CNNM2: variants seen among roughly 807,000 people sequenced by gnomAD.
CNNM2 encodes metal transporter CNNM2.
Under a neutral mutation model 66.9 loss-of-function variants are expected in CNNM2, and 12 were observed. That is an observed-to-expected ratio of 0.18 (90% CI 0.11 to 0.29). The LOEUF (loss-of-function observed/expected upper bound fraction) is 0.29, where lower values mean the gene tolerates loss of function less well. CNNM2 is among the 10% of genes least tolerant of loss of function. The pLI, the probability that CNNM2 is intolerant of heterozygous loss-of-function variation, is 1.00. For missense variants in CNNM2, 705 were observed against 1,167.7 expected (o/e 0.60, Z 5.77); for synonymous variants, 557 against 501.8 (o/e 1.11, Z -1.47).
At chr10:103,023,336 T>C (rs563257615) in intron 1 of CNNM2, among the ~76,000 whole-genome samples, 4 of 152,260 alleles carry the variant, frequency 2.6e-5, no homozygotes, top group Admixed American at 2.0e-4. Flanking sequence ...GTGGATCACC[T>C]GAGGTCAGGA....
intron 1 of CNNM2, among the ~76,000 whole-genome samples, chr10:102,948,491 A>T (rs1025506516): frequency 6.6e-6 from 1 of 152,084 alleles, no homozygotes; most frequent in African/African-American, 2.4e-5. Flanking sequence ...GAACACAAAT[A>T]ATTTGTGTGT....
rs34161248 is a variant in CNNM2 at position 102,967,434 on chromosome 10, T to C, written c.1621+47333T>C. On this transcript the variant is annotated intron_variant, in intron 1 of 7. Coordinates refer to ENST00000369878, the MANE Select transcript of CNNM2 (RefSeq NM_017649.5). ...GTTTCCTTTCTTCTGGGTCAATCCC[T>C]GCTTTCATCTCCAGCCTCTGGCAAA... 3.3e-3 allele frequency among the ~76,000 whole-genome samples: 506 copies of C among 152,372 alleles called. 4 individuals are homozygous for C. The highest frequency in any genetic ancestry group is 4.9e-3 in the Non-Finnish European group (331 of 68,036).
intron 1 of CNNM2, among the ~76,000 whole-genome samples, chr10:102,944,148 G>A (rs893690787): frequency 4.8e-5 from 7 of 146,178 alleles, no homozygotes; most frequent in Non-Finnish European, 1.0e-4. Context: ...GTGCGATCTC[G>A]GCTCACTGCA....
rs1244535820 is a variant in CNNM2, at chr10:103,081,762, T to C, written c.*4582T>C. 4 of 152,344 alleles carry C rather than the reference T, an allele frequency of 2.6e-5. No homozygotes were observed. The highest frequency in any genetic ancestry group is 2.1e-4 in the South Asian group (1 of 4,822). The allele number at this position is 152,344 out of a possible 1,614,324, so 9.4% of individuals were successfully genotyped here. A position where few individuals can be genotyped will look rare whatever the true frequency, so the allele number is the denominator to read the frequency against. ...TGCCCATTTCCCTTTTGCTACCTTC[T>C]TTCCTATCTGGAGATTCATATTCTA... is the stretch of plus-strand genomic sequence containing the variant. On this transcript the variant is annotated 3_prime_UTR_variant, in exon 8 of 8. Transcript: ENST00000369878.
intron 1 of CNNM2, among the ~76,000 whole-genome samples, chr10:102,984,708 G>A (rs1028372778): frequency 1.3e-5 from 2 of 152,162 alleles, no homozygotes; most frequent in African/African-American, 4.8e-5. Flanking sequence ...CACCCAGGCT[G>A]GAGTGCAGTG....
At chr10:102,965,243 T>A (rs2063444891) in intron 1 of CNNM2, among the ~76,000 whole-genome samples, 1 of 152,230 alleles carries the variant, frequency 6.6e-6, no homozygotes, top group African/African-American at 2.4e-5. Flanking sequence ...CCCTGCTCTG[T>A]CTTGACTTGT....
rs1042928023 is a variant in CNNM2 at position 103,054,227 on chromosome 10, C to G, written c.1766-102C>G. On this transcript the variant is annotated intron_variant, in intron 2 of 7. Transcript: ENST00000369878. The surrounding 1 kb of genome is among the most constrained non-coding windows in gnomAD (Gnocchi z 5.2). ...CATAGAGCGCCTGCATCTGGAAATA[C>G]AGTCCAGCTCTTCCAATATATTTTG... 4.5e-6 allele frequency: 6 copies of G among 1,328,778 alleles called. No homozygotes were observed. Among genetic ancestry groups the G allele is most frequent in the Non-Finnish European group, 6.2e-6 (6 of 967,574 alleles). 82.3% of individuals were successfully genotyped at this position (1,328,778 alleles called of 1,614,324 possible). A position where few individuals can be genotyped will look rare whatever the true frequency, so the allele number is the denominator to read the frequency against.
At chr10:103,036,580 A>G (rs1185698188) in intron 1 of CNNM2, among the ~76,000 whole-genome samples, 2 of 152,162 alleles carry the variant, frequency 1.3e-5, no homozygotes, top group Non-Finnish European at 2.9e-5. Flanking sequence ...ACGTTTATCA[A>G]ATCGAGGTGG....
At chr10:103,041,145 CACA>C (rs1016277967) in intron 1 of CNNM2, among the ~76,000 whole-genome samples, 3 of 152,126 alleles carry the variant, frequency 2.0e-5, no homozygotes, top group African/African-American at 7.2e-5. Context: ...CTCCTCTTAT[CACA>C]ACATTACCTA....
chr10:102,977,753 G>A (rs761212130), intron 1 of CNNM2, among the ~76,000 whole-genome samples: 3 of 152,096 alleles, frequency 2.0e-5, no homozygotes, highest in Non-Finnish European at 2.9e-5. Flanking sequence ...CTCTGGAGGC[G>A]GAGGTTGCAG....
In CNNM2 at chr10:103,085,352, T is replaced by C. The variant is rs934157184; in HGVS notation, c.*8172T>C. The C allele has an allele frequency of 1.2e-4, 18 of 152,338 alleles. No homozygotes were observed. Among genetic ancestry groups the C allele is most frequent in the African/African-American group, 4.1e-4 (17 of 41,582 alleles). The allele number at this position is 152,338 out of a possible 1,614,324, so 9.4% of individuals were successfully genotyped here. A position where few individuals can be genotyped will look rare whatever the true frequency, so the allele number is the denominator to read the frequency against. On this transcript the variant is annotated 3_prime_UTR_variant, in exon 8 of 8. Transcript: ENST00000369878. Reference sequence around the variant, plus strand: ...AAAGATAACTCTGGTGAGAACACTCTCTCAAAGACTGGACACTGAGTAAAC... The same window carrying C: ...AAAGATAACTCTGGTGAGAACACTCCCTCAAAGACTGGACACTGAGTAAAC...
intron 1 of CNNM2, among the ~76,000 whole-genome samples, chr10:103,042,023 C>T (rs551954419): frequency 6.6e-6 from 1 of 152,214 alleles, no homozygotes; most frequent in Non-Finnish European, 1.5e-5. Context: ...ATCTATCTGA[C>T]ATTTCTACTA....
chr10:102,980,659 C>T (rs2063705985), intron 1 of CNNM2, among the ~76,000 whole-genome samples: 2 of 152,140 alleles, frequency 1.3e-5, no homozygotes, highest in South Asian at 4.1e-4. Context: ...CACATTCATA[C>T]TTTTCTTCCT....
intron 1 of CNNM2, among the ~76,000 whole-genome samples, chr10:102,991,146 C>T (rs1189961520): frequency 5.9e-5 from 9 of 152,058 alleles, no homozygotes; most frequent in Admixed American, 5.9e-4. Context: ...GCCACCATGC[C>T]AGGCTAATAT....
At chr10:103,012,259 C>T (rs1248756893) in intron 1 of CNNM2, among the ~76,000 whole-genome samples, 1 of 152,112 alleles carries the variant, frequency 6.6e-6, no homozygotes, top group Non-Finnish European at 1.5e-5. Flanking sequence ...GCCAAATTGC[C>T]CTCCAATGAA....
intron 1 of CNNM2, among the ~76,000 whole-genome samples, chr10:103,048,651 C>CT (rs2065168424): frequency 6.7e-6 from 1 of 149,666 alleles, no homozygotes; most frequent in Non-Finnish European, 1.5e-5. Flanking sequence ...CATAGTTTGT[C>CT]TAGTAGTCGT....
At chr10:103,074,117 G>A (rs143961033) in intron 6 of CNNM2, among the ~76,000 whole-genome samples, 15 of 151,880 alleles carry the variant, frequency 9.9e-5, no homozygotes, top group East Asian at 7.8e-4. Flanking sequence ...GTGAAACCCC[G>A]TCTCTACTAA....
In CNNM2 at chr10:102,981,731, A is replaced by G. The variant is rs570636788; in HGVS notation, c.1621+61630A>G. Among the ~76,000 whole-genome samples the G allele has an allele frequency of 6.6e-5, 10 of 152,014 alleles. No individual in the cohort carries two copies. The South Asian group carries it at 2.1e-3, about 32-fold the overall frequency. On this transcript the variant is annotated intron_variant, in intron 1 of 7. Coordinates refer to ENST00000369878, the MANE Select transcript of CNNM2 (RefSeq NM_017649.5). ...TTTTTTTTGATCTTGTGTATCAGTT[A>G]TCTATTGCCATAATACTATATCTCA...
intron 1 of CNNM2, among the ~76,000 whole-genome samples, chr10:102,944,237 C>T (rs946138170): frequency 6.6e-6 from 1 of 151,932 alleles, no homozygotes; most frequent in Non-Finnish European, 1.5e-5. Context: ...CACCACCACG[C>T]CCAGCTAGTT....
Sources: gnomAD v4.1 joint callset for allele counts (sites outside exome capture counted in the v4.1 genomes callset) on GRCh38, gnomAD v4.1.1 for gene constraint, Gnocchi (gnomAD v3.1) non-coding constraint, MANE v1.5 for transcripts, NCBI Gene and HGNC (gene_info 2026-07-23, HGNC 2026-07-21) for gene names.